Variants in MAP3K5 observed in about 807,000 individuals in gnomAD.
MAP3K5 encodes mitogen-activated protein kinase kinase kinase 5.
Under a neutral mutation model 158.7 loss-of-function variants are expected in MAP3K5, and 56 were observed. The observed-to-expected ratio is 0.35, with a 90% CI of 0.28 to 0.44. MAP3K5 has a LOEUF of 0.44. Among genes scored for constraint, MAP3K5 ranks in the 20% least tolerant of loss-of-function variants. MAP3K5 has a pLI of 1.00. For synonymous variants in MAP3K5, 579 were observed against 601.7 expected (o/e 0.96, Z 0.55); for missense variants, 1,294 against 1,674.8 (o/e 0.77, Z 3.97).
At chr6:136,771,923 T>A (rs1287785657) in intron 1 of MAP3K5, among the ~76,000 whole-genome samples, 3 of 152,256 alleles carry the variant, frequency 2.0e-5, no homozygotes, top group East Asian at 3.9e-4. Context: ...CCTTTTTATT[T>A]TTTTTTTATT....
At chr6:136,631,538 G>A (rs1462029330) in intron 14 of MAP3K5, among the ~76,000 whole-genome samples, 1 of 150,392 alleles carries the variant, frequency 6.6e-6, no homozygotes, top group African/African-American at 2.5e-5. Flanking sequence ...TTTTAGACAG[G>A]GTCTGGCTCT....
chr6:136,673,905 C>T (rs1779592511), intron 7 of MAP3K5, among the ~76,000 whole-genome samples: 1 of 151,920 alleles, frequency 6.6e-6, no homozygotes, highest in Non-Finnish European at 1.5e-5. Flanking sequence ...CCCACAGATT[C>T]AAGAAGCTCA....
intron 17 of MAP3K5, among the ~76,000 whole-genome samples, chr6:136,611,952 T>C (rs1776362685): frequency 6.6e-6 from 1 of 152,186 alleles, no homozygotes; most frequent in South Asian, 2.1e-4. Context: ...ACTGGCCTTT[T>C]GAGATGTCTT....
At chr6:136,774,358 G>A (rs1562695548) in intron 1 of MAP3K5, among the ~76,000 whole-genome samples, 1 of 152,204 alleles carries the variant, frequency 6.6e-6, no homozygotes, top group Non-Finnish European at 1.5e-5. Flanking sequence ...GAAGGCTGAA[G>A]TGGGAGGATC....
chr6:136,619,371 A>G (rs1327286411), intron 15 of MAP3K5, among the ~76,000 whole-genome samples: 2 of 152,192 alleles, frequency 1.3e-5, no homozygotes, highest in African/African-American at 2.4e-5. Context: ...GCTGGTTGCA[A>G]TAAGAATCCA....
chr6:136,770,832 A>G (rs1784167655), intron 1 of MAP3K5, among the ~76,000 whole-genome samples: 1 of 152,222 alleles, frequency 6.6e-6, no homozygotes, highest in African/African-American at 2.4e-5. Flanking sequence ...CTTAAAAGGG[A>G]TAATTTTGAC....
At chr6:136,787,242 C>G (rs1234482989) in intron 1 of MAP3K5, among the ~76,000 whole-genome samples, 1 of 152,148 alleles carries the variant, frequency 6.6e-6, no homozygotes, top group Non-Finnish European at 1.5e-5. Flanking sequence ...TAAGAAGCTA[C>G]CCTTGAACCC....
intron 1 of MAP3K5, among the ~76,000 whole-genome samples, chr6:136,783,141 A>T (rs1273523150): frequency 6.6e-6 from 1 of 152,104 alleles, no homozygotes; most frequent in Non-Finnish European, 1.5e-5. Flanking sequence ...CCATCTCTAC[A>T]TAAAAATACA....
At chr6:136,621,858 G>T (rs190473186) in intron 15 of MAP3K5, among the ~76,000 whole-genome samples, 1 of 152,074 alleles carries the variant, frequency 6.6e-6, no homozygotes, top group Non-Finnish European at 1.5e-5. Flanking sequence ...AGGCCGAGGC[G>T]GGCGGATCAC....
chr6:136,592,940 T>A (rs1229597319), intron 21 of MAP3K5, among the ~76,000 whole-genome samples: 2 of 152,148 alleles, frequency 1.3e-5, no homozygotes, highest in African/African-American at 4.8e-5. Context: ...TTTCTATTTA[T>A]GGGTCTCAGT....
intron 15 of MAP3K5, among the ~76,000 whole-genome samples, chr6:136,615,716 T>C (rs1026341698): frequency 6.6e-6 from 1 of 152,184 alleles, no homozygotes; most frequent in Non-Finnish European, 1.5e-5. Context: ...TATAGATCTA[T>C]ATATAATCTA....
chr6:136,581,278 T>C (rs965089659), intron 24 of MAP3K5, among the ~76,000 whole-genome samples: 4 of 152,230 alleles, frequency 2.6e-5, no homozygotes, highest in African/African-American at 7.2e-5. Flanking sequence ...ATTCATGTTG[T>C]AGCATGTGTC....
chr6:136,753,700 G>A (rs1162841545), intron 1 of MAP3K5, among the ~76,000 whole-genome samples: 2 of 152,146 alleles, frequency 1.3e-5, no homozygotes, highest in East Asian at 1.9e-4. Context: ...ATTTGTACTA[G>A]GTCTGAGTGA....
In MAP3K5 at chr6:136,722,755, T is replaced by C. The variant is rs1365028299; in HGVS notation, c.449-2166A>G. ...GTGCAGTGACAAAATCATAGCTCACTATATATGCACAGCCTCAAAATTCTG... is the reference window on the plus strand; with the variant it reads ...GTGCAGTGACAAAATCATAGCTCACCATATATGCACAGCCTCAAAATTCTG... On this transcript the variant is annotated intron_variant, in intron 1 of 29. Transcript: ENST00000359015. Among the ~76,000 whole-genome samples the C allele has an allele frequency of 2.0e-5, 3 of 148,606 alleles. No homozygotes were observed. The East Asian group carries it at 6.2e-4, about 31-fold the overall frequency.
At position 136,613,232 on chromosome 6, in the gene MAP3K5, G is replaced by C. The variant is rs1232776105; in HGVS notation, c.2303C>G (p.Ser768Cys). The C allele has an allele frequency of 6.2e-7, 1 of 1,612,954 alleles. No individual in the cohort carries two copies. The highest frequency in any genetic ancestry group is 8.5e-7 in the Non-Finnish European group (1 of 1,179,576). ...PGGSLSALLR[S>C]KWGPLKDNEQ... is the part of the protein sequence containing the mutation. Reference sequence around the variant, plus strand: ...ATTGTCTTTTAATGGACCCCATTTGGAACGAAGGAGAGCAGAAAGACTTCC... The same window carrying C: ...ATTGTCTTTTAATGGACCCCATTTGCAACGAAGGAGAGCAGAAAGACTTCC... Residue 768 changes from serine to cysteine, a missense_variant, in exon 17 of 30, where the codon TCC becomes TGC. Coordinates refer to ENST00000359015, the MANE Select transcript of MAP3K5 (RefSeq NM_005923.4). This position sits in a 1 kb window ranked among gnomAD's most constrained non-coding sequence, Gnocchi z 4.0.
intron 3 of MAP3K5, among the ~76,000 whole-genome samples, chr6:136,703,033 TTTA>T: frequency 6.6e-6 from 1 of 152,200 alleles, no homozygotes; most frequent in South Asian, 2.1e-4. Context: ...TTTCTTTTTT[TTTA>T]AAAAAACCTC....
chr6:136,735,660 T>C, intron 1 of MAP3K5, among the ~76,000 whole-genome samples: 1 of 151,930 alleles, frequency 6.6e-6, no homozygotes, highest in Non-Finnish European at 1.5e-5. Context: ...TCAGACCCCA[T>C]CTCTATAAAA....
At chr6:136,776,148 A>G (rs767641539) in intron 1 of MAP3K5, among the ~76,000 whole-genome samples, 5 of 152,270 alleles carry the variant, frequency 3.3e-5, no homozygotes, top group Non-Finnish European at 5.9e-5. Context: ...AGATACATCA[A>G]TATCTTAATT....
At chr6:136,672,000 A>G (rs2114540083) in intron 7 of MAP3K5, among the ~76,000 whole-genome samples, 1 of 152,330 alleles carries the variant, frequency 6.6e-6, no homozygotes, top group African/African-American at 2.4e-5. Flanking sequence ...AAGAAAAAAC[A>G]TTAAACATGT....
Sources: gnomAD v4.1 joint callset for allele counts (sites outside exome capture counted in the v4.1 genomes callset) on GRCh38, gnomAD v4.1.1 for gene constraint, Gnocchi (gnomAD v3.1) non-coding constraint, MANE v1.5 for transcripts, NCBI Gene and HGNC (gene_info 2026-07-23, HGNC 2026-07-21) for gene names.